MAF: variants seen among roughly 807,000 people sequenced by gnomAD.
The protein encoded by MAF is transcription factor Maf.
Under a neutral mutation model 22.0 loss-of-function variants are expected in MAF, and 10 were observed. That is an observed-to-expected ratio of 0.45 (90% CI 0.28 to 0.77). The LOEUF (loss-of-function observed/expected upper bound fraction) is 0.77, where lower values mean the gene tolerates loss of function less well. Ranked by LOEUF, MAF falls within the 30% of genes least tolerant of loss-of-function variation. MAF has a pLI of 0.12. For missense variants in MAF, 544 were observed against 548.4 expected (o/e 0.99, Z 0.08); for synonymous variants, 337 against 255.8 (o/e 1.32, Z -3.03).
chr16:79,563,279 G>A, the MAF span, among the ~76,000 whole-genome samples: 1 of 152,272 alleles, frequency 6.6e-6, no homozygotes, highest in Admixed American at 6.5e-5. Flanking sequence ...GCCCATGTGT[G>A]GTTACAGAAC....
chr16:79,335,573 G>A, the MAF span, among the ~76,000 whole-genome samples: 1 of 152,100 alleles, frequency 6.6e-6, no homozygotes, highest in African/African-American at 2.4e-5. Flanking sequence ...GGCAGGTCGG[G>A]GGTCAGCCAC....
At chr16:79,429,062 C>T in the MAF span, among the ~76,000 whole-genome samples, 1 of 152,046 alleles carries the variant, frequency 6.6e-6, no homozygotes, top group Non-Finnish European at 1.5e-5. Flanking sequence ...GTAAGCAATG[C>T]GGATGTCTTT....
At chr16:79,371,201 T>G in the MAF span, among the ~76,000 whole-genome samples, 1 of 152,116 alleles carries the variant, frequency 6.6e-6, no homozygotes, top group Non-Finnish European at 1.5e-5. Flanking sequence ...GACTGTTGCC[T>G]CTTCAACATA....
chr16:79,210,992 A>C, the MAF span, among the ~76,000 whole-genome samples: 1 of 150,964 alleles, frequency 6.6e-6, no homozygotes, highest in African/African-American at 2.4e-5. Flanking sequence ...TGGATGAATT[A>C]ATGTGTTATG....
the MAF span, among the ~76,000 whole-genome samples, chr16:79,477,298 C>T: frequency 1.3e-5 from 2 of 152,154 alleles, no homozygotes; most frequent in African/African-American, 2.4e-5. Flanking sequence ...GACCCTGGAG[C>T]ATGGGTTTGA....
chr16:79,237,284 C>T, the MAF span, among the ~76,000 whole-genome samples: 6 of 152,210 alleles, frequency 3.9e-5, no homozygotes, highest in Non-Finnish European at 8.8e-5. Context: ...GTATAAATCC[C>T]GGGCACCATT....
At chr16:79,531,523 G>A in the MAF span, among the ~76,000 whole-genome samples, 1 of 152,066 alleles carries the variant, frequency 6.6e-6, no homozygotes, top group East Asian at 1.9e-4. Flanking sequence ...GGAGAGCTAA[G>A]CTTGTTTTCT....
the MAF span, among the ~76,000 whole-genome samples, chr16:79,335,284 A>G: frequency 6.6e-6 from 1 of 151,946 alleles, no homozygotes; most frequent in African/African-American, 2.4e-5. Flanking sequence ...TTAATGAAGG[A>G]TATCTCTTCA....
chr16:79,248,230 TAA>T, the MAF span, among the ~76,000 whole-genome samples: 3 of 152,100 alleles, frequency 2.0e-5, no homozygotes, highest in Non-Finnish European at 4.4e-5. Flanking sequence ...CATAAAGAGT[TAA>T]GAGAGCCACT....
the MAF span, among the ~76,000 whole-genome samples, chr16:79,378,582 A>G: frequency 6.6e-6 from 1 of 152,224 alleles, no homozygotes; most frequent in Non-Finnish European, 1.5e-5. Flanking sequence ...TATTCAAAAT[A>G]GAGATAATGC....
chr16:79,229,722 CCG>C, the MAF span, among the ~76,000 whole-genome samples: 1 of 152,008 alleles, frequency 6.6e-6, no homozygotes, highest in Non-Finnish European at 1.5e-5. Flanking sequence ...GAGGAGTGCA[CCG>C]AGCAAAGCGC....
At chr16:79,406,437 A>G in the MAF span, among the ~76,000 whole-genome samples, 1 of 152,202 alleles carries the variant, frequency 6.6e-6, no homozygotes, top group Non-Finnish European at 1.5e-5. Context: ...GAGCTGGCAG[A>G]TTTAGTGTCT....
chr16:79,330,958 G>A, the MAF span, among the ~76,000 whole-genome samples: 2 of 152,128 alleles, frequency 1.3e-5, no homozygotes, highest in Non-Finnish European at 2.9e-5. Flanking sequence ...GGACATGAAG[G>A]CCAACCCTGT....
At chr16:79,311,894 C>T in the MAF span, among the ~76,000 whole-genome samples, 1 of 152,264 alleles carries the variant, frequency 6.6e-6, no homozygotes, top group South Asian at 2.1e-4. Context: ...CAGCAGAGCC[C>T]TTAGCAATCT....
chr16:79,223,343 T>C, the MAF span, among the ~76,000 whole-genome samples: 1 of 152,166 alleles, frequency 6.6e-6, no homozygotes, highest in Non-Finnish European at 1.5e-5. Context: ...TAGCAGAATC[T>C]CTGGGACACA....
At chr16:79,425,451 G>T in the MAF span, among the ~76,000 whole-genome samples, 1 of 152,200 alleles carries the variant, frequency 6.6e-6, no homozygotes, top group South Asian at 2.1e-4. Flanking sequence ...AGCAAACTCA[G>T]TGTTCAGGGC....
the MAF span, among the ~76,000 whole-genome samples, chr16:79,489,923 G>A: frequency 6.6e-5 from 10 of 152,106 alleles, no homozygotes; most frequent in Admixed American, 6.5e-5. Flanking sequence ...GAGCAGTGAT[G>A]AAGGCCTGAA....
chr16:79,204,408 G>T, the MAF span: 3 of 152,008 alleles, frequency 2.0e-5, no homozygotes, highest in East Asian at 5.8e-4. Context: ...TCCTTCCCTC[G>T]TTAGGAGTAC....
the MAF span, among the ~76,000 whole-genome samples, chr16:79,523,089 C>G: frequency 6.6e-6 from 1 of 152,190 alleles, no homozygotes; most frequent in African/African-American, 2.4e-5. Context: ...CTCCTGGCAT[C>G]TAATGGTTTT....
Sources: gnomAD v4.1 joint callset for allele counts (sites outside exome capture counted in the v4.1 genomes callset) on GRCh38, gnomAD v4.1.1 for gene constraint, MANE v1.5 for transcripts, NCBI Gene and HGNC (gene_info 2026-07-23, HGNC 2026-07-21) for gene names.